TUBGCP3: variants seen among roughly 807,000 people sequenced by gnomAD.
TUBGCP3 encodes tubulin gamma complex component 3, also known as gamma-tubulin complex component 3.
A neutral mutation model predicts 123.1 loss-of-function variants in TUBGCP3; 50 were observed. That is an observed-to-expected ratio of 0.41 (90% CI 0.32 to 0.51). The LOEUF is 0.51. Ranked by LOEUF, TUBGCP3 falls within the 20% of genes least tolerant of loss-of-function variation. The pLI is 0.36. For missense variants in TUBGCP3, 882 were observed against 1,127.0 expected (o/e 0.78, Z 3.11); for synonymous variants, 405 against 413.9 (o/e 0.98, Z 0.26).
chr13:112,549,776 C>T (rs185244042), intron 8 of TUBGCP3, among the ~76,000 whole-genome samples: 9 of 151,632 alleles, frequency 5.9e-5, no homozygotes, highest in African/African-American at 1.2e-4. Context: ...GATCACGAGG[C>T]CAGGAGATCG....
intron 11 of TUBGCP3, among the ~76,000 whole-genome samples, chr13:112,540,645 A>G (rs1013401227): frequency 1.3e-4 from 20 of 151,452 alleles, no homozygotes; most frequent in African/African-American, 4.6e-4. Flanking sequence ...GAGGACGTCA[A>G]TGTAGTAGCC....
intron 1 of TUBGCP3, among the ~76,000 whole-genome samples, chr13:112,586,434 T>C (rs772505461): frequency 6.6e-6 from 1 of 151,498 alleles, no homozygotes; most frequent in Non-Finnish European, 1.5e-5. Flanking sequence ...TTTTATCTGA[T>C]TCCCCCTATG....
intron 19 of TUBGCP3, among the ~76,000 whole-genome samples, chr13:112,501,764 C>T (rs1880921104): frequency 6.6e-6 from 1 of 152,098 alleles, no homozygotes; most frequent in African/African-American, 2.4e-5. Flanking sequence ...ATGAAGCCTC[C>T]GGCATGACAC....
At chr13:112,558,927 C>T (rs1171359575) in intron 4 of TUBGCP3, among the ~76,000 whole-genome samples, 1 of 152,052 alleles carries the variant, frequency 6.6e-6, no homozygotes, top group African/African-American at 2.4e-5. Context: ...ACACTGAGCC[C>T]GGTGATGACA....
chr13:112,523,112 T>G (rs1380016610), intron 13 of TUBGCP3, among the ~76,000 whole-genome samples: 1 of 152,220 alleles, frequency 6.6e-6, no homozygotes, highest in Non-Finnish European at 1.5e-5. Flanking sequence ...TAACAGAGCT[T>G]CTTACAGTGC....
chr13:112,582,880 T>C (rs753773901), intron 1 of TUBGCP3, among the ~76,000 whole-genome samples: 111 of 152,284 alleles, frequency 7.3e-4, no homozygotes, highest in Admixed American at 9.8e-4. Flanking sequence ...CAGAGAGCAG[T>C]GCTGCTGAGT....
At chr13:112,554,473 A>C (rs1230103431) in intron 7 of TUBGCP3, among the ~76,000 whole-genome samples, 1 of 152,212 alleles carries the variant, frequency 6.6e-6, no homozygotes. Context: ...TAAGAGCCAC[A>C]GTGTGACCCA....
chr13:112,595,700 A>T, the TUBGCP3 span, among the ~76,000 whole-genome samples: 1 of 150,906 alleles, frequency 6.6e-6, no homozygotes, highest in African/African-American at 2.5e-5. Flanking sequence ...CTACTATGCG[A>T]TTGTGATTGA....
chr13:112,556,947 C>T (rs1441701183), intron 5 of TUBGCP3, among the ~76,000 whole-genome samples: 1 of 152,150 alleles, frequency 6.6e-6, no homozygotes, highest in African/African-American at 2.4e-5. Context: ...ACCTCAGCTG[C>T]TCTACAGTTT....
intron 11 of TUBGCP3, among the ~76,000 whole-genome samples, chr13:112,529,977 C>T (rs1322206831): frequency 6.6e-6 from 1 of 152,160 alleles, no homozygotes; most frequent in Non-Finnish European, 1.5e-5. Context: ...AGAGAGAAGA[C>T]CCTGAAAACG....
chr13:112,565,100 C>G lies in TUBGCP3; in HGVS notation c.252+11G>C, dbSNP rs1441942238. 6.2e-7 allele frequency: 1 copy of G among 1,612,126 alleles called. No individual in the cohort carries two copies. The highest frequency in any genetic ancestry group is 8.5e-7 in the Non-Finnish European group (1 of 1,178,818). ...AATGAGTGCAATGACCTCCAGAATTCTGCACTGTACCTGTGAATGAAGTTT... is the reference window on the plus strand; with the variant it reads ...AATGAGTGCAATGACCTCCAGAATTGTGCACTGTACCTGTGAATGAAGTTT... On this transcript the variant is annotated intron_variant, in intron 3 of 21. Coordinates refer to ENST00000261965, the MANE Select transcript of TUBGCP3 (RefSeq NM_006322.6).
At position 112,543,560 on chromosome 13, in the gene TUBGCP3, A is replaced by G. The variant is rs533375420; in HGVS notation, c.1335+2139T>C. On this transcript the variant is annotated intron_variant, in intron 11 of 21. Coordinates refer to ENST00000261965, the MANE Select transcript of TUBGCP3 (RefSeq NM_006322.6). ...AAAAGGTAAGTACTGCCTCTACCAA[A>G]TTTCAAACCATAGAGTCATTTAAAT... Among the ~76,000 whole-genome samples, 2 of 152,346 alleles carry G rather than the reference A, an allele frequency of 1.3e-5. 1 individual carries two copies. Among genetic ancestry groups the G allele is most frequent in the African/African-American group, 4.8e-5 (2 of 41,588 alleles).
intron 11 of TUBGCP3, among the ~76,000 whole-genome samples, chr13:112,543,178 G>A (rs1229850151): frequency 4.6e-5 from 7 of 152,036 alleles, no homozygotes; most frequent in Non-Finnish European, 2.9e-5. Context: ...GGTCCATGCA[G>A]GTATGCAGAA....
intron 14 of TUBGCP3, 100 bp from the exon 15 acceptor site, chr13:112,520,121 A>T: frequency 8.4e-7 from 1 of 1,196,178 alleles, no homozygotes; most frequent in Non-Finnish European, 1.1e-6. Flanking sequence ...AAATTATAAA[A>T]ACTCAAAAGA....
chr13:112,528,805 A>T (rs1445595895), intron 11 of TUBGCP3, among the ~76,000 whole-genome samples: 1 of 151,908 alleles, frequency 6.6e-6, no homozygotes, highest in Non-Finnish European at 1.5e-5. Flanking sequence ...AATATTGTCC[A>T]TCATGTTCTT....
intron 1 of TUBGCP3, among the ~76,000 whole-genome samples, chr13:112,586,231 ACT>A (rs901528124): frequency 3.3e-5 from 5 of 151,326 alleles, no homozygotes; most frequent in Admixed American, 2.0e-4. Context: ...CCAGAGTGAG[ACT>A]CTGTCTCAAA....
chr13:112,601,627 G>C, the TUBGCP3 span, among the ~76,000 whole-genome samples: 1 of 152,200 alleles, frequency 6.6e-6, no homozygotes, highest in Non-Finnish European at 1.5e-5. Context: ...TTTGGAGTCA[G>C]GTTGAAGGTA....
At chr13:112,543,491 A>T (rs567984305) in intron 11 of TUBGCP3, among the ~76,000 whole-genome samples, 1 of 152,330 alleles carries the variant, frequency 6.6e-6, no homozygotes, top group South Asian at 2.1e-4. Flanking sequence ...CTAAATTCAT[A>T]TCTAAGTATA....
intron 8 of TUBGCP3, among the ~76,000 whole-genome samples, chr13:112,553,169 C>T (rs1879729643): frequency 1.3e-5 from 2 of 151,726 alleles, no homozygotes; most frequent in Admixed American, 1.3e-4. Context: ...CACACTGCCA[C>T]ACCAAGTGCC....
Sources: gnomAD v4.1 joint callset for allele counts (sites outside exome capture counted in the v4.1 genomes callset) on GRCh38, gnomAD v4.1.1 for gene constraint, MANE v1.5 for transcripts, NCBI Gene and HGNC (gene_info 2026-07-23, HGNC 2026-07-21) for gene names.